The following EPHA3 variants were observed in gnomAD, a reference collection of about 807,000 sequenced individuals.
EPHA3 encodes the protein EPH receptor A3.
A neutral mutation model predicts 107.1 loss-of-function variants in EPHA3; 42 were observed. The observed-to-expected ratio is 0.39, with a 90% CI of 0.31 to 0.51. EPHA3 has a LOEUF of 0.51. Ranked by LOEUF, EPHA3 falls within the 20% of genes least tolerant of loss-of-function variation. EPHA3 has a pLI of 0.78. For missense variants in EPHA3, 1,183 were observed against 1,211.2 expected (o/e 0.98, Z 0.35); for synonymous variants, 461 against 424.8 (o/e 1.09, Z -1.05).
At chr3:89,258,667 A>G (rs1012616540) in intron 3 of EPHA3, among the ~76,000 whole-genome samples, 5 of 152,238 alleles carry the variant, frequency 3.3e-5, no homozygotes, top group African/African-American at 1.2e-4. Context: ...ATTTGAATTA[A>G]GTACGAAAAC....
At chr3:89,327,205 C>T (rs755629490) in intron 3 of EPHA3, among the ~76,000 whole-genome samples, 1 of 151,948 alleles carries the variant, frequency 6.6e-6, no homozygotes, top group Non-Finnish European at 1.5e-5. Context: ...ATTATACTGT[C>T]AGTGTTTAGA....
intron 2 of EPHA3, among the ~76,000 whole-genome samples, chr3:89,161,999 G>T (rs1403735355): frequency 7.2e-6 from 1 of 139,086 alleles, no homozygotes; most frequent in Non-Finnish European, 1.6e-5. Flanking sequence ...AATAATAATA[G>T]TAATAATAAT....
intron 3 of EPHA3, among the ~76,000 whole-genome samples, chr3:89,225,393 T>C (rs1478937446): frequency 1.3e-5 from 2 of 152,200 alleles, no homozygotes; most frequent in Non-Finnish European, 2.9e-5. Context: ...GTAAACCTTG[T>C]GGAACCTTTA....
chr3:89,376,379 A>G (rs116656105), intron 5 of EPHA3, among the ~76,000 whole-genome samples: 2,607 of 151,786 alleles, frequency 0.017, 67 homozygotes, highest in African/African-American at 0.056. Context: ...GTGTATATTT[A>G]TAATATGTAT....
chr3:89,107,986 T>C (rs1162702392), intron 1 of EPHA3, 150 bp downstream of exon 1: 3 of 657,626 alleles, frequency 4.6e-6, no homozygotes, highest in South Asian at 1.9e-5. Context: ...CTTTTTTTTT[T>C]CCAACTGTCT....
intron 2 of EPHA3, among the ~76,000 whole-genome samples, chr3:89,137,189 G>A (rs141128951): frequency 1.3e-5 from 2 of 151,816 alleles, no homozygotes; most frequent in Non-Finnish European, 2.9e-5. Context: ...TTTATAAAGA[G>A]TATATTCAGA....
intron 5 of EPHA3, among the ~76,000 whole-genome samples, chr3:89,377,985 T>A (rs1284826418): frequency 1.3e-5 from 2 of 152,080 alleles, no homozygotes; most frequent in Non-Finnish European, 2.9e-5. Flanking sequence ...AGGTTATTCT[T>A]TTTTAAAACT....
At chr3:89,447,315 T>C in intron 13 of EPHA3, among the ~76,000 whole-genome samples, 1 of 152,198 alleles carries the variant, frequency 6.6e-6, no homozygotes, top group East Asian at 1.9e-4. Flanking sequence ...TTGCGCTCAC[T>C]GTGTGTCTTT....
chr3:89,467,765 A>T (rs1181600850), intron 15 of EPHA3, among the ~76,000 whole-genome samples: 1 of 152,224 alleles, frequency 6.6e-6, no homozygotes, highest in Non-Finnish European at 1.5e-5. Context: ...AAGAAAGGGA[A>T]GAAAGTTATT....
At chr3:89,321,230 TG>T in intron 3 of EPHA3, among the ~76,000 whole-genome samples, 1 of 152,064 alleles carries the variant, frequency 6.6e-6, no homozygotes, top group East Asian at 1.9e-4. Context: ...GAAGGTCTTT[TG>T]GCAAGTCCTT....
At chr3:89,454,681 C>T (rs947242492) in intron 15 of EPHA3, among the ~76,000 whole-genome samples, 1 of 152,160 alleles carries the variant, frequency 6.6e-6, no homozygotes, top group Non-Finnish European at 1.5e-5. Flanking sequence ...ATAAAAAAAT[C>T]TCCTTTTGGT....
chr3:89,267,569 G>A lies in EPHA3; in HGVS notation c.814+57049G>A, dbSNP rs193152882. Among the ~76,000 whole-genome samples the A allele has an allele frequency of 5.0e-3, 754 of 152,182 alleles. 10 individuals are homozygous for A. The highest frequency in any genetic ancestry group is 4.5e-3 in the Non-Finnish European group (307 of 68,000). ...TAGCAAAGAAAGGGTGTTTCTAAAT[G>A]AACATTAAAAGCCCTTCACCATGGA... On this transcript the variant is annotated intron_variant, in intron 3 of 16. Coordinates refer to ENST00000336596, the MANE Select transcript of EPHA3 (RefSeq NM_005233.6).
intron 2 of EPHA3, among the ~76,000 whole-genome samples, chr3:89,178,444 C>A (rs1705365290): frequency 1.3e-5 from 2 of 151,934 alleles, no homozygotes; most frequent in Non-Finnish European, 2.9e-5. Context: ...AGGAGTCTGG[C>A]TGTGGAGTTA....
At chr3:89,380,072 AT>A (rs994791416) in intron 5 of EPHA3, among the ~76,000 whole-genome samples, 10 of 152,074 alleles carry the variant, frequency 6.6e-5, no homozygotes, top group Admixed American at 6.6e-5. Context: ...GTTAAGCAAT[AT>A]TTTTTTTCTG....
intron 5 of EPHA3, among the ~76,000 whole-genome samples, chr3:89,346,055 G>A (rs1463907294): frequency 7.4e-6 from 1 of 135,128 alleles, no homozygotes; most frequent in Non-Finnish European, 1.6e-5. Context: ...CTTTGCTATT[G>A]TGAATAATGC....
intron 3 of EPHA3, among the ~76,000 whole-genome samples, chr3:89,337,080 G>C: frequency 6.7e-6 from 1 of 149,824 alleles, no homozygotes. Flanking sequence ...AAAAAAAAAA[G>C]AAAAACAAAA....
chr3:89,256,973 A>T (rs959463392), intron 3 of EPHA3, among the ~76,000 whole-genome samples: 4 of 152,188 alleles, frequency 2.6e-5, no homozygotes, highest in African/African-American at 9.6e-5. Context: ...GCTGATACAG[A>T]TTGTAAATAT....
chr3:89,342,587 T>G (rs752355496), intron 5 of EPHA3, among the ~76,000 whole-genome samples: 1 of 152,190 alleles, frequency 6.6e-6, no homozygotes, highest in Non-Finnish European at 1.5e-5. Context: ...TTATGGATTT[T>G]ACTTGTGGGA....
At chr3:89,228,608 A>G (rs1423150041) in intron 3 of EPHA3, among the ~76,000 whole-genome samples, 2 of 152,084 alleles carry the variant, frequency 1.3e-5, no homozygotes, top group South Asian at 2.1e-4. Context: ...TATTAATTTT[A>G]TATATACATA....
Sources: gnomAD v4.1 joint callset for allele counts (sites outside exome capture counted in the v4.1 genomes callset) on GRCh38, gnomAD v4.1.1 for gene constraint, MANE v1.5 for transcripts, NCBI Gene and HGNC (gene_info 2026-07-23, HGNC 2026-07-21) for gene names.